Variants in GABRA1 observed in about 807,000 individuals in gnomAD.
GABRA1 encodes the protein gamma-aminobutyric acid receptor subunit alpha-1.
Under a neutral mutation model 48.9 loss-of-function variants are expected in GABRA1, and 9 were observed. The observed-to-expected ratio is 0.18, with a 90% CI of 0.11 to 0.32. The LOEUF (loss-of-function observed/expected upper bound fraction) is 0.32, where lower values mean the gene tolerates loss of function less well. Among genes scored for constraint, GABRA1 ranks in the 10% least tolerant of loss-of-function variants. The probability of loss-of-function intolerance (pLI) is 1.00; values close to 1 mark genes in which losing one functional copy is unlikely to be tolerated. For missense variants in GABRA1, 285 were observed against 553.8 expected (o/e 0.51, Z 4.87); for synonymous variants, 210 against 198.7 (o/e 1.06, Z -0.48).
At chr5:161,853,278 A>G (rs1484906513) in intron 2 of GABRA1, among the ~76,000 whole-genome samples, 1 of 151,902 alleles carries the variant, frequency 6.6e-6, no homozygotes, top group Non-Finnish European at 1.5e-5. Context: ...ACAAAGACTA[A>G]TAATGGTAAG....
At chr5:161,895,958 A>T in intron 9 of GABRA1, 90 bp downstream of exon 9, 3 of 1,038,550 alleles carry the variant, frequency 2.9e-6, no homozygotes, top group Non-Finnish European at 4.5e-6. Flanking sequence ...TATTGGATGG[A>T]GTATGCAGAA....
chr5:161,895,500 C>G (rs1253098356), intron 8 of GABRA1, among the ~76,000 whole-genome samples, 166 bp from the exon 9 acceptor site: 1 of 152,152 alleles, frequency 6.6e-6, no homozygotes, highest in African/African-American at 2.4e-5. Flanking sequence ...ACAGACTACA[C>G]TGGGGTTAAA....
At chr5:161,849,027 C>T (rs1757333510) in intron 1 of GABRA1, 1 of 453,908 alleles carries the variant, frequency 2.2e-6, no homozygotes, top group African/African-American at 2.0e-5. Flanking sequence ...ATATGGATGG[C>T]ATGGGATGGT....
At chr5:161,883,980 A>C (rs2113420136) in intron 7 of GABRA1, among the ~76,000 whole-genome samples, 1 of 152,228 alleles carries the variant, frequency 6.6e-6, no homozygotes, top group African/African-American at 2.4e-5. Context: ...GGGAGATGTG[A>C]ACTCAAGTTC....
chr5:161,848,717 T>G, intron 1 of GABRA1: 1 of 273,398 alleles, frequency 3.7e-6, no homozygotes, highest in Non-Finnish European at 7.2e-6. Flanking sequence ...CTCCTCTTTC[T>G]TAGGCATATT....
chr5:161,858,759 C>T (rs976666662), intron 3 of GABRA1, among the ~76,000 whole-genome samples: 1 of 151,630 alleles, frequency 6.6e-6, no homozygotes, highest in Non-Finnish European at 1.5e-5. Flanking sequence ...TTTGAATTTC[C>T]GAAGAAAGAC....
chr5:161,865,874 A>T, intron 4 of GABRA1, 86 bp downstream of exon 4: 1 of 1,084,528 alleles, frequency 9.2e-7, no homozygotes, highest in South Asian at 1.2e-5. Context: ...GTTCTTAGGG[A>T]GCAACCTGAA....
chr5:161,882,001 AG>A (rs1328159767), intron 6 of GABRA1: 1 of 155,820 alleles, frequency 6.4e-6, no homozygotes, highest in African/African-American at 2.4e-5. Context: ...GAGAAGGAGA[AG>A]GAGAAGAAGA....
At chr5:161,875,897 T>G (rs981076717) in intron 6 of GABRA1, among the ~76,000 whole-genome samples, 16 of 152,196 alleles carry the variant, frequency 1.1e-4, no homozygotes, top group Non-Finnish European at 1.5e-5. Context: ...ATGCTGAATT[T>G]GTATTTATAG....
chr5:161,865,041 C>G (rs978661413), intron 3 of GABRA1, among the ~76,000 whole-genome samples: 1 of 151,892 alleles, frequency 6.6e-6, no homozygotes, highest in Non-Finnish European at 1.5e-5. Flanking sequence ...TATTATAGCA[C>G]TATAATTAAT....
intron 3 of GABRA1, among the ~76,000 whole-genome samples, chr5:161,862,496 AT>A (rs553317163): frequency 6.6e-6 from 1 of 151,572 alleles, no homozygotes; most frequent in Non-Finnish European, 1.5e-5. Flanking sequence ...TTCAAATGAC[AT>A]TTTTTCAGAG....
intron 3 of GABRA1, among the ~76,000 whole-genome samples, chr5:161,860,688 C>T (rs1396867503): frequency 1.3e-5 from 2 of 150,668 alleles, no homozygotes; most frequent in East Asian, 3.9e-4. Context: ...GATGGATATC[C>T]TGTTTTCTAT....
rs757378039 is a variant in GABRA1, at chr5:161,875,546, A to G, written c.477-14A>G. 159 of 1,606,158 alleles carry G rather than the reference A, an allele frequency of 9.9e-5. No homozygotes were observed. Among genetic ancestry groups the G allele is most frequent in the Non-Finnish European group, 1.3e-4 (155 of 1,173,082 alleles). On this transcript the variant is annotated splice_polypyrimidine_tract_variant and intron_variant, in intron 5 of 9. Transcript: ENST00000393943. Reference sequence around the variant, plus strand: ...TCTATATGGCTCTTGTTTGTATTCTATGTTTCCCTTAAGGCTGACAGTGAG... The same window carrying G: ...TCTATATGGCTCTTGTTTGTATTCTGTGTTTCCCTTAAGGCTGACAGTGAG...
At chr5:161,882,434 C>T in intron 6 of GABRA1, 124 bp from the exon 7 acceptor site, 1 of 911,254 alleles carries the variant, frequency 1.1e-6, no homozygotes. Context: ...GACATAAGCT[C>T]ATCTTTCCTA....
At chr5:161,854,873 C>A (rs1268075531) in intron 3 of GABRA1, among the ~76,000 whole-genome samples, 2 of 151,444 alleles carry the variant, frequency 1.3e-5, no homozygotes, top group African/African-American at 4.8e-5. Flanking sequence ...AAGAAGACAG[C>A]ACTTAATAAC....
At chr5:161,876,057 A>G (rs1025606967) in intron 6 of GABRA1, among the ~76,000 whole-genome samples, 2 of 152,124 alleles carry the variant, frequency 1.3e-5, no homozygotes, top group African/African-American at 4.8e-5. Flanking sequence ...GTGTTGGTAA[A>G]TGGCAAAGGA....
rs1755324465 is a variant in GABRA1 at position 161,895,602 on chromosome 5, T to C, written c.857-64T>C. ...GATTTCCTTTTGTTCAAGTAGGCTG[T>C]CCCATCATGATGAAATTTCACAGTA... is the stretch of plus-strand genomic sequence containing the variant. On this transcript the variant is annotated intron_variant, in intron 8 of 9. Transcript: ENST00000393943. The C allele has an allele frequency of 1.2e-5, 17 of 1,385,672 alleles. No homozygotes were observed. The South Asian group carries it at 1.7e-4, about 14-fold the overall frequency. 85.8% of individuals were successfully genotyped at this position (1,385,672 alleles called of 1,614,324 possible).
chr5:161,887,525 T>C (rs1171370979), intron 7 of GABRA1, among the ~76,000 whole-genome samples: 1 of 152,144 alleles, frequency 6.6e-6, no homozygotes, highest in Non-Finnish European at 1.5e-5. Context: ...GGCTAAATGA[T>C]CTAGAACTAT....
chr5:161,885,222 C>G (rs1754791571), intron 7 of GABRA1, among the ~76,000 whole-genome samples: 1 of 152,138 alleles, frequency 6.6e-6, no homozygotes. Context: ...TCCTCTGGGA[C>G]CACTTTAGCT....
Sources: allele counts gnomAD v4.1 joint callset (sites outside exome capture counted in the v4.1 genomes callset), GRCh38; gene constraint gnomAD v4.1.1; transcripts MANE v1.5; gene names NCBI Gene and HGNC (gene_info 2026-07-23, HGNC 2026-07-21).